Variants in RELN observed in about 807,000 individuals in gnomAD.
RELN encodes the protein reelin.
RELN carries 108 observed loss-of-function variants against 427.6 expected under a neutral mutation model. That is an observed-to-expected ratio of 0.25 (90% CI 0.22 to 0.30). The LOEUF is 0.30. Ranked by LOEUF, RELN falls within the 10% of genes least tolerant of loss-of-function variation. The probability of loss-of-function intolerance (pLI) is 1.00; values close to 1 mark genes in which losing one functional copy is unlikely to be tolerated. For synonymous variants in RELN, 1,524 were observed against 1,513.4 expected (o/e 1.01, Z -0.16); for missense variants, 3,715 against 4,302.8 (o/e 0.86, Z 3.82).
chr7:103,483,104 G>C (rs1828299766), intron 62 of RELN, 133 bp from the exon 63 acceptor site: 5 of 765,670 alleles, frequency 6.5e-6, no homozygotes, highest in Non-Finnish European at 9.0e-6. Context: ...ATTCAGATTT[G>C]CTTAGGTCAT....
intron 3 of RELN, among the ~76,000 whole-genome samples, chr7:103,799,726 A>G (rs1792397013): frequency 2.0e-5 from 3 of 152,172 alleles, no homozygotes; most frequent in Admixed American, 1.3e-4. Context: ...CATTTGTCAC[A>G]GTTATAATTA....
intron 50 of RELN, among the ~76,000 whole-genome samples, chr7:103,511,238 T>TA (rs1248513612): frequency 1.3e-4 from 20 of 152,102 alleles, no homozygotes; most frequent in African/African-American, 4.3e-4. Context: ...GATATTAGTC[T>TA]ACACATGAAA....
chr7:103,576,762 T>C (rs142234006), intron 28 of RELN, among the ~76,000 whole-genome samples: 82 of 152,286 alleles, frequency 5.4e-4, no homozygotes, highest in African/African-American at 1.8e-3. Flanking sequence ...ACACCAGTTT[T>C]AACTGCCAAA....
rs1277512777 is a variant in RELN at position 103,755,610 on chromosome 7, A to T, written c.545-2396T>A. ...GGGACAGAGCGAGACTCTGTCTCAAAAAAAAAATAAAAAAAATAAAATAAA... is the reference window on the plus strand; with the variant it reads ...GGGACAGAGCGAGACTCTGTCTCAATAAAAAAATAAAAAAAATAAAATAAA... On this transcript the variant is annotated intron_variant, in intron 4 of 64. Transcript: ENST00000428762. 7.1e-4 allele frequency among the ~76,000 whole-genome samples: 51 copies of T among 71,528 alleles called. 1 individual carries two copies. The highest frequency in any genetic ancestry group is 1.4e-3 in the Non-Finnish European group (46 of 33,438). The allele number at this position is 71,528 out of a possible 152,430, so 46.9% of individuals were successfully genotyped here.
chr7:103,791,053 A>T (rs1792150469), intron 3 of RELN, among the ~76,000 whole-genome samples: 1 of 152,202 alleles, frequency 6.6e-6, no homozygotes, highest in African/African-American at 2.4e-5. Flanking sequence ...ACTTAGTCAT[A>T]AACTTGCAGA....
Position 103,868,690 on chromosome 7 carries a change from A to G in RELN, c.338-35018T>C, listed in dbSNP as rs562673750. ...TCCAGCTATGATCTTGGCTTTGGCTATTTCTCTCTTAGGTCTTTCAAACGC... is the reference window on the plus strand; with the variant it reads ...TCCAGCTATGATCTTGGCTTTGGCTGTTTCTCTCTTAGGTCTTTCAAACGC... On this transcript the variant is annotated intron_variant, in intron 2 of 64. Transcript: ENST00000428762. 5.3e-5 allele frequency among the ~76,000 whole-genome samples: 8 copies of G among 152,102 alleles called. No individual in the cohort carries two copies. In the East Asian group the frequency reaches 1.2e-3, roughly 22 times the overall value.
At chr7:103,803,045 T>C (rs1425848797) in intron 3 of RELN, among the ~76,000 whole-genome samples, 2 of 152,138 alleles carry the variant, frequency 1.3e-5, no homozygotes, top group Non-Finnish European at 2.9e-5. Context: ...TGAATTTACA[T>C]TTGGGTCAAA....
chr7:103,776,669 T>C lies in RELN; in HGVS notation c.474-42A>G, dbSNP rs767260038. Reference sequence around the variant, plus strand: ...AAAGGTTAATTCAACTCTTGTAATATGTTTGGTGAAAATGTATGTTTAAAA... The same window carrying C: ...AAAGGTTAATTCAACTCTTGTAATACGTTTGGTGAAAATGTATGTTTAAAA... On this transcript the variant is annotated intron_variant, in intron 3 of 64. Coordinates refer to ENST00000428762, the MANE Select transcript of RELN (RefSeq NM_005045.4). The C allele has an allele frequency of 1.8e-5, 28 of 1,592,296 alleles. No individual in the cohort carries two copies. The East Asian group carries it at 2.5e-4, about 14-fold the overall frequency.
chr7:103,931,668 G>A (rs1023733592), intron 1 of RELN, among the ~76,000 whole-genome samples: 5 of 152,180 alleles, frequency 3.3e-5, no homozygotes, highest in Admixed American at 3.3e-4. Context: ...TGCCAATTTT[G>A]TGATAGCTAT....
chr7:103,796,001 T>C (rs1792289801), intron 3 of RELN, among the ~76,000 whole-genome samples: 6 of 152,198 alleles, frequency 3.9e-5, no homozygotes, highest in Admixed American at 3.9e-4. Flanking sequence ...TTTGTGTAAA[T>C]AATAGAACAA....
At chr7:103,849,630 G>T (rs1204211065) in intron 2 of RELN, among the ~76,000 whole-genome samples, 7 of 152,106 alleles carry the variant, frequency 4.6e-5, no homozygotes, top group African/African-American at 1.4e-4. Context: ...GTATATAGTT[G>T]TAAGTACATG....
chr7:103,608,064 T>C (rs1584340098), intron 22 of RELN, among the ~76,000 whole-genome samples: 1 of 152,236 alleles, frequency 6.6e-6, no homozygotes, highest in African/African-American at 2.4e-5. Flanking sequence ...CTTTTATGTA[T>C]TCAATTTATA....
intron 50 of RELN, chr7:103,513,366 G>A (rs991217555): frequency 6.6e-6 from 1 of 152,152 alleles, no homozygotes; most frequent in Non-Finnish European, 1.5e-5. Flanking sequence ...CAGCATTTTA[G>A]GTACTTGAAT....
intron 2 of RELN, among the ~76,000 whole-genome samples, chr7:103,843,531 C>A (rs190813488): frequency 6.6e-6 from 1 of 152,244 alleles, no homozygotes; most frequent in East Asian, 1.9e-4. Context: ...GAAACCCTGT[C>A]CAAATCCAGT....
At chr7:103,476,341 A>G (rs114765301) in intron 64 of RELN, among the ~76,000 whole-genome samples, 2,286 of 152,148 alleles carry the variant, frequency 0.015, 70 homozygotes, top group African/African-American at 0.053. Context: ...CACGCCAGGC[A>G]TGGTGGTACG....
intron 3 of RELN, among the ~76,000 whole-genome samples, chr7:103,805,397 C>T (rs1365100511): frequency 2.6e-5 from 4 of 152,166 alleles, no homozygotes; most frequent in African/African-American, 4.8e-5. Flanking sequence ...TGTGGCACAT[C>T]CATGCATAAA....
chr7:103,724,063 GA>G (rs1292156879), intron 7 of RELN, among the ~76,000 whole-genome samples: 1 of 152,122 alleles, frequency 6.6e-6, no homozygotes, highest in East Asian at 1.9e-4. Context: ...GCTGGGTTCT[GA>G]AATTCTGTAC....
At chr7:103,502,770 C>G (rs1829077999) in intron 52 of RELN, among the ~76,000 whole-genome samples, 1 of 152,110 alleles carries the variant, frequency 6.6e-6, no homozygotes, top group South Asian at 2.1e-4. Context: ...TTTTAAGATA[C>G]TGAGGTTTAG....
In RELN at chr7:103,682,149, T is replaced by G; in HGVS notation, c.1256A>C (p.Gln419Pro). ...VDLSTEDIQE[Q>P]WSEEFESQPT... is the part of the protein sequence containing the mutation. ...CTGGCTCTCAAATTCTTCTGACCAT[T>G]GCTCTTGAATATCTTCTGTGGAAAG... Residue 419 changes from glutamine to proline, a missense_variant, in exon 11 of 65, where the codon CAA becomes CCA. Gln to Pro is a moderately conservative substitution (Grantham distance 76). Around this residue, in one of 4 missense-constraint regions of RELN, gnomAD observed 2,208 missense variants for 2,361.7 expected, o/e 0.93. Transcript: ENST00000428762. 1 of 1,614,018 alleles carries G rather than the reference T, an allele frequency of 6.2e-7. No individual in the cohort carries two copies. Among genetic ancestry groups the G allele is most frequent in the South Asian group, 1.1e-5 (1 of 91,084 alleles).
Sources: allele counts gnomAD v4.1 joint callset (sites outside exome capture counted in the v4.1 genomes callset), GRCh38; gene constraint gnomAD v4.1.1; regional missense constraint gnomAD v4.1.1; transcripts MANE v1.5; gene names NCBI Gene and HGNC (gene_info 2026-07-23, HGNC 2026-07-21).